The following ARHGAP24 variants were observed in gnomAD, a reference collection of about 807,000 sequenced individuals.
ARHGAP24 encodes rho GTPase-activating protein 24.
ARHGAP24 carries 50 observed loss-of-function variants against 76.4 expected under a neutral mutation model. The observed-to-expected ratio is 0.65, with a 90% confidence interval of 0.52 to 0.83. The LOEUF (loss-of-function observed/expected upper bound fraction) is 0.83, where lower values mean the gene tolerates loss of function less well. Among genes scored for constraint, ARHGAP24 ranks in the 40% least tolerant of loss-of-function variants. ARHGAP24 has a pLI of 0.00. For synonymous variants in ARHGAP24, 345 were observed against 323.3 expected (o/e 1.07, Z -0.72); for missense variants, 930 against 914.2 (o/e 1.02, Z -0.22).
intron 2 of ARHGAP24, among the ~76,000 whole-genome samples, chr4:85,648,035 A>T (rs56777230): frequency 0.023 from 3,526 of 152,236 alleles, 134 homozygotes; most frequent in African/African-American, 0.081. Context: ...AGAAGTGCAT[A>T]AATGCGTCTA....
chr4:85,932,777 G>A (rs891019531), intron 4 of ARHGAP24, among the ~76,000 whole-genome samples: 14 of 152,216 alleles, frequency 9.2e-5, no homozygotes, highest in African/African-American at 3.4e-4. Context: ...GGTGCAGGAA[G>A]CGTTCAGCGG....
chr4:85,976,834 G>A (rs1485445131), intron 7 of ARHGAP24, among the ~76,000 whole-genome samples: 2 of 148,002 alleles, frequency 1.4e-5, no homozygotes, highest in Admixed American at 1.3e-4. Flanking sequence ...CCAGGCTGGA[G>A]TGCAGTGGTG....
chr4:85,885,132 G>C (rs961535868), intron 3 of ARHGAP24, among the ~76,000 whole-genome samples: 1 of 152,088 alleles, frequency 6.6e-6, no homozygotes, highest in African/African-American at 2.4e-5. Flanking sequence ...CGTATTTTAG[G>C]AGGGCATTTT....
chr4:85,484,157 G>A (rs571518496), intron 1 of ARHGAP24, among the ~76,000 whole-genome samples: 19 of 152,104 alleles, frequency 1.2e-4, no homozygotes, highest in Non-Finnish European at 2.4e-4. Flanking sequence ...TCCCACAGAA[G>A]TCCATTAGTT....
intron 2 of ARHGAP24, among the ~76,000 whole-genome samples, chr4:85,717,341 G>A (rs1724773157): frequency 6.6e-6 from 1 of 151,920 alleles, no homozygotes; most frequent in African/African-American, 2.4e-5. Flanking sequence ...CATTTCTACT[G>A]CCAACACGTT....
chr4:85,930,963 G>A (rs151225111), intron 4 of ARHGAP24: 59 of 1,614,000 alleles, frequency 3.7e-5, no homozygotes, highest in Admixed American at 2.8e-4. Flanking sequence ...GGGGGTGCCC[G>A]GCTGGTGCCT....
intron 2 of ARHGAP24, among the ~76,000 whole-genome samples, chr4:85,705,210 T>C (rs1350553306): frequency 2.0e-5 from 3 of 152,034 alleles, no homozygotes; most frequent in African/African-American, 7.2e-5. Context: ...ATAAAATTAA[T>C]GAAATATGAG....
At position 85,696,556 on chromosome 4, in the gene ARHGAP24, G is replaced by A. The variant is rs369626038; in HGVS notation, c.181-25329G>A. Among the ~76,000 whole-genome samples the A allele has an allele frequency of 3.9e-4, 59 of 152,202 alleles. 2 individuals are homozygous for A. The highest frequency in any genetic ancestry group is 2.0e-3 in the Admixed American group (31 of 15,290). On this transcript the variant is annotated intron_variant, in intron 2 of 9. Transcript: ENST00000395184. ...GAATTGTTTCCTTCCTTTTGTTAGC[G>A]TATTTCCATTTTCATTTTTAATGCC...
intron 3 of ARHGAP24, among the ~76,000 whole-genome samples, chr4:85,859,871 G>A (rs192303858): frequency 5.3e-4 from 80 of 152,060 alleles, no homozygotes; most frequent in Middle Eastern, 3.4e-3. Flanking sequence ...AGTCTCCAGG[G>A]TAGTGCTTGT....
intron 2 of ARHGAP24, among the ~76,000 whole-genome samples, chr4:85,588,780 C>A (rs868119568): frequency 5.9e-5 from 9 of 152,092 alleles, no homozygotes; most frequent in Middle Eastern, 3.2e-3. Context: ...AAGATTTCAA[C>A]AATTTTAGTA....
At chr4:85,504,150 TTAAGAA>T (rs1016901566) in intron 1 of ARHGAP24, among the ~76,000 whole-genome samples, 1 of 152,210 alleles carries the variant, frequency 6.6e-6, no homozygotes, top group Non-Finnish European at 1.5e-5. Context: ...TGTGGTCAGT[TTAAGAA>T]TAAGTGCGAT....
chr4:85,838,482 C>T (rs1451131538), intron 3 of ARHGAP24, among the ~76,000 whole-genome samples: 1 of 152,046 alleles, frequency 6.6e-6, no homozygotes, highest in African/African-American at 2.4e-5. Context: ...GCCTGTAGTC[C>T]CAGCTACTTG....
rs572863702 is a variant in ARHGAP24, at chr4:85,729,664, T to C, written c.268+7692T>C. On this transcript the variant is annotated intron_variant, in intron 3 of 9. Coordinates refer to ENST00000395184, the MANE Select transcript of ARHGAP24 (RefSeq NM_001025616.3). ...TGGAAAGATCCAGGAGTAAATATTT[T>C]AGGATTTTGTGACCATAAGGTTTCC... is the stretch of plus-strand genomic sequence containing the variant. Among the ~76,000 whole-genome samples the C allele has an allele frequency of 3.9e-5, 6 of 152,286 alleles. No homozygotes were observed. The South Asian group carries it at 6.2e-4, about 16-fold the overall frequency.
At chr4:85,979,734 G>T (rs1004279468) in intron 8 of ARHGAP24, among the ~76,000 whole-genome samples, 1 of 152,176 alleles carries the variant, frequency 6.6e-6, no homozygotes, top group Admixed American at 6.5e-5. Context: ...CAAGACAAAT[G>T]CTGCTTGAAT....
At chr4:85,782,860 A>G (rs1441992643) in intron 3 of ARHGAP24, among the ~76,000 whole-genome samples, 1 of 151,842 alleles carries the variant, frequency 6.6e-6, no homozygotes, top group East Asian at 1.9e-4. Context: ...ATACATCTTA[A>G]TCATGAAATA....
rs543381965 is a variant in ARHGAP24 at position 85,905,524 on chromosome 4, A to G, written c.269-18124A>G. Among the ~76,000 whole-genome samples, 11 of 152,210 alleles carry G rather than the reference A, an allele frequency of 7.2e-5. No individual in the cohort carries two copies. In the South Asian group the frequency reaches 2.1e-3, roughly 29 times the overall value. On this transcript the variant is annotated intron_variant, in intron 3 of 9. Transcript: ENST00000395184. ...TTCCTATTTTTCCTTCCTTTTTGGA[A>G]AATAGCCCTGTGCAATTCACTCAGT...
chr4:85,842,897 G>A (rs1730686745), intron 3 of ARHGAP24, among the ~76,000 whole-genome samples: 1 of 152,146 alleles, frequency 6.6e-6, no homozygotes, highest in Admixed American at 6.5e-5. Context: ...CAGTAACCCT[G>A]ATGAACACAT....
chr4:85,697,193 A>T (rs755403662), intron 2 of ARHGAP24, among the ~76,000 whole-genome samples: 1 of 152,200 alleles, frequency 6.6e-6, no homozygotes, highest in South Asian at 2.1e-4. Flanking sequence ...AGAGAGAATT[A>T]CTTTGTCCTT....
chr4:85,612,792 CTTTTTTT>C (rs70948739), intron 2 of ARHGAP24, among the ~76,000 whole-genome samples: 1 of 82,774 alleles, frequency 1.2e-5, no homozygotes, highest in Admixed American at 1.8e-4. Context: ...CTTTCCATTC[CTTTTTTT>C]TTTTTTTTTT....
Sources: gnomAD v4.1 joint callset for allele counts (sites outside exome capture counted in the v4.1 genomes callset) on GRCh38, gnomAD v4.1.1 for gene constraint, MANE v1.5 for transcripts, NCBI Gene and HGNC (gene_info 2026-07-23, HGNC 2026-07-21) for gene names.